The following ANO3 variants were observed in gnomAD, a reference collection of about 807,000 sequenced individuals.
ANO3 encodes the protein anoctamin-3.
In ANO3, 99 loss-of-function variants were observed where a neutral mutation model predicts 144.8. The ratio of observed to expected loss-of-function variants is 0.68; its 90% CI spans 0.58 to 0.81. ANO3 has a LOEUF of 0.81. Among genes scored for constraint, ANO3 ranks in the 30% least tolerant of loss-of-function variants. ANO3 has a pLI of 0.00. For missense variants in ANO3, 905 were observed against 1,202.2 expected (o/e 0.75, Z 3.66); for synonymous variants, 414 against 392.6 (o/e 1.05, Z -0.64).
rs117893670 is a variant in ANO3, at chr11:26,372,280, C to T, written c.46+39959C>T. 5.1e-3 allele frequency among the ~76,000 whole-genome samples: 772 copies of T among 152,272 alleles called. 1 individual carries two copies. The highest frequency in any genetic ancestry group is 0.014 in the Middle Eastern group (4 of 294). On this transcript the variant is annotated intron_variant, in intron 1 of 26. Coordinates refer to ENST00000256737, the MANE Select transcript of ANO3 (RefSeq NM_031418.4). ...TGTGAAGAAGGACAGGTTTGCTTCCCCTTCTGCCATGAGTGTAAGTTTCCT... is the reference window on the plus strand; with the variant it reads ...TGTGAAGAAGGACAGGTTTGCTTCCTCTTCTGCCATGAGTGTAAGTTTCCT...
intron 1 of ANO3, among the ~76,000 whole-genome samples, chr11:26,227,903 G>A (rs973629471): frequency 1.3e-5 from 2 of 152,154 alleles, no homozygotes; most frequent in African/African-American, 4.8e-5. Flanking sequence ...GTTGTGGTCA[G>A]TGTGATTGGA....
At chr11:26,442,157 G>C in intron 2 of ANO3, 45 bp downstream of exon 2, 1 of 1,571,778 alleles carries the variant, frequency 6.4e-7, no homozygotes, top group Middle Eastern at 1.7e-4. Context: ...TAAAAACTAC[G>C]TGTTTTCCAA....
At position 26,332,134 on chromosome 11, in the gene ANO3, A is replaced by G. The variant is rs1271942312; in HGVS notation, c.-142A>G. The stretch of plus-strand genomic sequence containing the variant: ...ACACCGGCGGGCGCGTAGCCTGGAG[A>G]GCGAAGTGCCGGCTACAGCAGGTGT... On this transcript the variant is annotated 5_prime_UTR_variant, in exon 1 of 27. Transcript: ENST00000256737. 7 of 1,517,232 alleles carry G rather than the reference A, an allele frequency of 4.6e-6. No individual in the cohort carries two copies. Among genetic ancestry groups the G allele is most frequent in the Non-Finnish European group, 6.2e-6 (7 of 1,134,206 alleles). The allele number at this position is 1,517,232 out of a possible 1,614,324, so 94.0% of individuals were successfully genotyped here.
Position 26,300,927 on chromosome 11 carries a change from C to CTTCATAATGTATTTCATAA in ANO3, c.155-8718_155-8717insTTCATAATGTATTTCATAA, listed in dbSNP as rs1350398756. Among the ~76,000 whole-genome samples, 33 of 145,410 alleles carry CTTCATAATGTATTTCATAA rather than the reference C, an allele frequency of 2.3e-4. 2 individuals are homozygous for CTTCATAATGTATTTCATAA. Among genetic ancestry groups the CTTCATAATGTATTTCATAA allele is most frequent in the East Asian group, 8.2e-4 (4 of 4,880 alleles). ...GAAGTGCAGTGGTGCAATTTCCACT[C>CTTCATAATGTATTTCATAA]ACTGCCACCTCTGCCTCCTGGGCTC... On this transcript the variant is annotated intron_variant, in intron 1 of 27. Transcript: ENST00000672621.
At chr11:26,413,690 TTTTC>T (rs1167536697) in intron 1 of ANO3, among the ~76,000 whole-genome samples, 1 of 152,004 alleles carries the variant, frequency 6.6e-6, no homozygotes, top group Non-Finnish European at 1.5e-5. Context: ...AATCCTTGCG[TTTTC>T]TTATTTCTAA....
rs534363822 is a variant in ANO3 at position 26,254,927 on chromosome 11, A to G, written c.155-54718A>G. ...ATTTGAGATTGTCCTCAATATCCCA[A>G]TTTTATAGATGAAAAAACAACTTCT... On this transcript the variant is annotated intron_variant, in intron 1 of 27. Transcript: ENST00000672621. Among the ~76,000 whole-genome samples the G allele has an allele frequency of 3.3e-5, 5 of 152,270 alleles. No individual in the cohort carries two copies. In the South Asian group the frequency reaches 6.2e-4, roughly 19 times the overall value.
chr11:26,586,029 G>C (rs985060673), intron 14 of ANO3, among the ~76,000 whole-genome samples: 2 of 152,050 alleles, frequency 1.3e-5, no homozygotes, highest in African/African-American at 4.8e-5. Context: ...TTTTTGTATT[G>C]AGGTTCTACC....
intron 1 of ANO3, among the ~76,000 whole-genome samples, chr11:26,388,130 ATTT>A (rs1322292457): frequency 1.3e-5 from 2 of 149,920 alleles, no homozygotes; most frequent in Non-Finnish European, 3.0e-5. Flanking sequence ...ATTCTTTATA[ATTT>A]TTATTTTTTA....
chr11:26,197,294 C>A (rs1851607636), intron 1 of ANO3, among the ~76,000 whole-genome samples: 1 of 152,160 alleles, frequency 6.6e-6, no homozygotes, highest in African/African-American at 2.4e-5. Context: ...CAATAGAAAA[C>A]ACTGTCTGTA....
At chr11:26,402,926 G>A (rs1026369075) in intron 1 of ANO3, among the ~76,000 whole-genome samples, 10 of 151,446 alleles carry the variant, frequency 6.6e-5, no homozygotes, top group African/African-American at 2.4e-4. Context: ...CTTCAGAATT[G>A]TTTAATGCAT....
chr11:26,586,501 A>ATTTTTTTTTTTTTTTTTTTTTTTTT (rs1281089936), intron 14 of ANO3, among the ~76,000 whole-genome samples: 5 of 40,014 alleles, frequency 1.2e-4, no homozygotes, highest in African/African-American at 2.7e-4. Context: ...CCTGGTGAGA[A>ATTTTTTTTTTTTTTTTTTTTTTTTT]TCTTTTTTTT....
chr11:26,583,084 T>A (rs1014982067), intron 14 of ANO3, among the ~76,000 whole-genome samples: 8 of 152,238 alleles, frequency 5.3e-5, no homozygotes, highest in African/African-American at 1.9e-4. Flanking sequence ...GTCTATTTAA[T>A]ATGCAAATGC....
chr11:26,489,666 A>T (rs1396433649), intron 4 of ANO3, among the ~76,000 whole-genome samples: 1 of 152,164 alleles, frequency 6.6e-6, no homozygotes, highest in African/African-American at 2.4e-5. Flanking sequence ...GTAGGAACCT[A>T]CCTCTTGCAT....
chr11:26,416,327 T>G (rs1165100014), intron 1 of ANO3, among the ~76,000 whole-genome samples: 2 of 152,086 alleles, frequency 1.3e-5, no homozygotes, highest in Non-Finnish European at 2.9e-5. Flanking sequence ...GTAATTATTT[T>G]CAAGGCTTAA....
chr11:26,571,752 G>T (rs751740771), intron 14 of ANO3, among the ~76,000 whole-genome samples: 1 of 152,040 alleles, frequency 6.6e-6, no homozygotes, highest in East Asian at 1.9e-4. Context: ...TCATAGTCAC[G>T]TATGTTTTAA....
At chr11:26,632,166 T>C (rs1459769197) in intron 18 of ANO3, among the ~76,000 whole-genome samples, 1 of 149,110 alleles carries the variant, frequency 6.7e-6, no homozygotes, top group African/African-American at 2.5e-5. Flanking sequence ...CAATCCAGCC[T>C]GGGCGACAAA....
intron 4 of ANO3, among the ~76,000 whole-genome samples, chr11:26,481,892 T>C (rs1477740223): frequency 2.0e-5 from 3 of 151,916 alleles, no homozygotes; most frequent in Admixed American, 6.6e-5. Flanking sequence ...TTTTCCTTTC[T>C]TTTTTTTACT....
chr11:26,261,950 C>T (rs1853199711), intron 1 of ANO3, among the ~76,000 whole-genome samples: 1 of 152,170 alleles, frequency 6.6e-6, no homozygotes, highest in Non-Finnish European at 1.5e-5. Context: ...CTGTAAAAGG[C>T]TGGTCAGTGC....
intron 4 of ANO3, among the ~76,000 whole-genome samples, chr11:26,488,689 A>G (rs1860570897): frequency 6.6e-6 from 1 of 152,206 alleles, no homozygotes; most frequent in South Asian, 2.1e-4. Context: ...CACTGACTTC[A>G]GGAATGAAGC....
Sources: gnomAD v4.1 joint callset for allele counts (sites outside exome capture counted in the v4.1 genomes callset) on GRCh38, gnomAD v4.1.1 for gene constraint, MANE v1.5 for transcripts, NCBI Gene and HGNC (gene_info 2026-07-23, HGNC 2026-07-21) for gene names.